CLASP2: variants seen among roughly 807,000 people sequenced by gnomAD.
CLASP2 encodes the protein cytoplasmic linker associated protein 2, also known as CLIP-associating protein 2.
CLASP2 carries 47 observed loss-of-function variants against 194.4 expected under a neutral mutation model. The observed-to-expected ratio is 0.24, with a 90% CI of 0.19 to 0.31. CLASP2 has a LOEUF of 0.31. Ranked by LOEUF, CLASP2 falls within the 10% of genes least tolerant of loss-of-function variation. CLASP2 has a pLI of 1.00. For synonymous variants in CLASP2, 619 were observed against 633.5 expected, an observed-to-expected ratio of 0.98 and a Z score of 0.34; for missense variants, 1,445 against 1,823.6, an observed-to-expected ratio of 0.79 and a Z score of 3.78.
chr3:33,663,510 T>A lies in CLASP2; in HGVS notation c.650A>T (p.Glu217Val), dbSNP rs1476760355. Residue 217 changes from glutamate to valine, a missense_variant, in exon 7 of 39, where the codon GAA becomes GTA. Physicochemically the swap from Glu to Val is moderately radical, Grantham distance 121. Around this residue, in one of 4 missense-constraint regions of CLASP2, gnomAD observed 332 missense variants for 325.3 expected, o/e 1.02. Transcript: ENST00000682230. The stretch of plus-strand genomic sequence containing the variant: ...TTCATCAAATTTGGCAAATATCATT[T>A]CTAATCTGGGAATAAAGAATAAATT... Reference protein sequence around the residue: ...YKRGIPPARLEMIFAKFDEVQ... With the variant: ...YKRGIPPARLVMIFAKFDEVQ... The A allele has an allele frequency of 6.2e-7, 1 of 1,608,376 alleles. No individual in the cohort carries two copies. The highest frequency in any genetic ancestry group is 1.1e-5 in the South Asian group (1 of 90,726).
At chr3:33,535,761 T>C (rs1456185853) in intron 33 of CLASP2, among the ~76,000 whole-genome samples, 1 of 152,126 alleles carries the variant, frequency 6.6e-6, no homozygotes, top group Non-Finnish European at 1.5e-5. Flanking sequence ...TACAGTGTGA[T>C]TACCAGCAAC....
At chr3:33,613,566 T>C (rs777043886) in intron 12 of CLASP2, among the ~76,000 whole-genome samples, 1 of 152,144 alleles carries the variant, frequency 6.6e-6, no homozygotes, top group Non-Finnish European at 1.5e-5. Flanking sequence ...CCAAAATAAA[T>C]GAAAACCCTT....
rs767116001 is a variant in CLASP2 at position 33,608,561 on chromosome 3, G to T, written c.1448+6C>A. ...AAAGTGGGAGGAAGGAAGAGGGAAT[G>T]CATACCTTTCCAATGAATGAGTCTG... On this transcript the variant is annotated splice_donor_region_variant and intron_variant, in intron 14 of 38. Transcript: ENST00000682230. 5 of 1,606,924 alleles carry T rather than the reference G, an allele frequency of 3.1e-6. No individual in the cohort carries two copies. In the East Asian group the frequency reaches 1.1e-4, roughly 36 times the overall value.
intron 32 of CLASP2, among the ~76,000 whole-genome samples, chr3:33,542,671 AT>A (rs1424369416): frequency 2.7e-5 from 4 of 150,670 alleles, no homozygotes; most frequent in African/African-American, 9.7e-5. Flanking sequence ...ATTATATATG[AT>A]ACATATATAA....
chr3:33,568,468 C>A (rs1192915237), intron 26 of CLASP2, among the ~76,000 whole-genome samples: 1 of 129,028 alleles, frequency 7.8e-6, no homozygotes, highest in Admixed American at 8.4e-5. Flanking sequence ...GCATGAGAAT[C>A]GCTTGAACCC....
chr3:33,655,565 T>A (rs2084012724), intron 7 of CLASP2, among the ~76,000 whole-genome samples: 1 of 152,204 alleles, frequency 6.6e-6, no homozygotes, highest in South Asian at 2.1e-4. Flanking sequence ...CCTCTATCAA[T>A]GTCCCTACAA....
At position 33,607,412 on chromosome 3, in the gene CLASP2, C is replaced by T. The variant is rs776390048; in HGVS notation, c.1498G>A (p.Asp500Asn). Residue 500 changes from aspartate to asparagine, a missense_variant, in exon 15 of 39, where the codon GAC (aspartate) becomes AAC (asparagine). Around this residue, in one of 4 missense-constraint regions of CLASP2, gnomAD observed 207 missense variants for 331.4 expected, o/e 0.62. Transcript: ENST00000682230. ...ETIKKGIHDA[D>N]AEARVEARKT... Reference sequence around the variant, plus strand: ...CTTGCCTCCACTCTGGCCTCAGCGTCAGCATCATGAATTCCCTTTTTAATA... The same window carrying T: ...CTTGCCTCCACTCTGGCCTCAGCGTTAGCATCATGAATTCCCTTTTTAATA... 6.2e-7 allele frequency: 1 copy of T among 1,611,244 alleles called. No individual in the cohort carries two copies. Among genetic ancestry groups the T allele is most frequent in the African/African-American group, 1.3e-5 (1 of 74,822 alleles).
rs1357286207 is a variant in CLASP2 at position 33,607,465 on chromosome 3, T to C, written c.1449-4A>G. ...TTCAACCAAGACGGCTGCATGTCTA[T>C]AAAATAAAATACATCTTTAGAGTTA... On this transcript the variant is annotated splice_polypyrimidine_tract_variant and splice_region_variant and intron_variant, in intron 14 of 38. Transcript: ENST00000682230. 1 of 1,591,698 alleles carries C rather than the reference T, an allele frequency of 6.3e-7. No individual in the cohort carries two copies. Among genetic ancestry groups the C allele is most frequent in the Admixed American group, 1.7e-5 (1 of 57,640 alleles).
intron 21 of CLASP2, among the ~76,000 whole-genome samples, chr3:33,591,774 T>G (rs957756827): frequency 3.3e-5 from 5 of 152,324 alleles, no homozygotes; most frequent in African/African-American, 9.6e-5. Context: ...ATCTTAAATT[T>G]AACATGAATG....
intron 21 of CLASP2, among the ~76,000 whole-genome samples, chr3:33,591,720 T>C (rs780631413): frequency 3.3e-5 from 5 of 152,226 alleles, no homozygotes; most frequent in African/African-American, 7.2e-5. Context: ...TTAATAATCA[T>C]GCTTATGACA....
intron 12 of CLASP2, among the ~76,000 whole-genome samples, chr3:33,617,949 A>T (rs778389832): frequency 1.3e-3 from 160 of 123,044 alleles, no homozygotes; most frequent in Non-Finnish European, 2.0e-3. Context: ...ATATATATAT[A>T]TATTTTTTTT....
chr3:33,551,151 T>C lies in CLASP2; in HGVS notation c.3153+101A>G, dbSNP rs145353257. On this transcript the variant is annotated intron_variant, in intron 30 of 38. Coordinates refer to ENST00000682230, the MANE Select transcript of CLASP2 (RefSeq NM_001365631.1). ...TAAAAAGCTCTTCATAACTCACTGCTAATTGCTAAGGTCCTGAAAATATTA... is the reference window on the plus strand; with the variant it reads ...TAAAAAGCTCTTCATAACTCACTGCCAATTGCTAAGGTCCTGAAAATATTA... The C allele has an allele frequency of 6.7e-3, 6,566 of 979,200 alleles. 38 individuals carry two copies. The highest frequency in any genetic ancestry group is 8.5e-3 in the Non-Finnish European group (5,722 of 676,144). The allele number at this position is 979,200 out of a possible 1,614,324, so 60.7% of individuals were successfully genotyped here.
intron 7 of CLASP2, among the ~76,000 whole-genome samples, chr3:33,658,584 A>T (rs1220159231): frequency 1.3e-5 from 2 of 152,212 alleles, no homozygotes; most frequent in Non-Finnish European, 2.9e-5. Flanking sequence ...GTCAAATACA[A>T]CAGGAAGGAT....
In CLASP2 at chr3:33,497,638, T is replaced by C. The variant is rs768352840; in HGVS notation, c.*993A>G. On this transcript the variant is annotated 3_prime_UTR_variant, in exon 39 of 39. Transcript: ENST00000682230. ...AATATTTTCAAGTAAGACAATTTCATGGTAAAAGGAAACCAGGTTCCACCA... is the reference window on the plus strand; with the variant it reads ...AATATTTTCAAGTAAGACAATTTCACGGTAAAAGGAAACCAGGTTCCACCA... The C allele has an allele frequency of 6.6e-6, 1 of 152,560 alleles. No individual in the cohort carries two copies. The highest frequency in any genetic ancestry group is 2.4e-5 in the African/African-American group (1 of 41,440). The allele number at this position is 152,560 out of a possible 1,614,324, so 9.5% of individuals were successfully genotyped here.
chr3:33,550,575 CTA>C (rs1225277917), intron 30 of CLASP2, among the ~76,000 whole-genome samples: 4 of 151,340 alleles, frequency 2.6e-5, no homozygotes, highest in African/African-American at 9.7e-5. Context: ...AAATAATAAT[CTA>C]TGCTTTTGAG....
rs776586824 is a variant in CLASP2, at chr3:33,497,015, TAC to T, written c.*1614_*1615del. 6 of 152,634 alleles carry T rather than the reference TAC, an allele frequency of 3.9e-5. No homozygotes were observed. Among genetic ancestry groups the T allele is most frequent in the Non-Finnish European group, 8.8e-5 (6 of 68,018 alleles). The allele number at this position is 152,634 out of a possible 1,614,324, so 9.5% of individuals were successfully genotyped here. On this transcript the variant is annotated 3_prime_UTR_variant, in exon 39 of 39. Transcript: ENST00000682230. Reference sequence around the variant, plus strand: ...ATTAACTTTTTCAAGTAATGTTATGTACAGTTTTATTGCCAGTATATGCACAA... The same window carrying T: ...ATTAACTTTTTCAAGTAATGTTATGTAGTTTTATTGCCAGTATATGCACAA...
intron 34 of CLASP2, among the ~76,000 whole-genome samples, chr3:33,533,684 T>C (rs1160854436): frequency 6.6e-6 from 1 of 152,162 alleles, no homozygotes; most frequent in East Asian, 1.9e-4. Flanking sequence ...AGCAATTCCA[T>C]CTCTAGAAAT....
intron 10 of CLASP2, among the ~76,000 whole-genome samples, chr3:33,626,323 T>C (rs529254327): frequency 6.6e-6 from 1 of 152,284 alleles, no homozygotes; most frequent in African/African-American, 2.4e-5. Context: ...CTCTGGCTTC[T>C]TGAAAACTCT....
intron 18 of CLASP2, among the ~76,000 whole-genome samples, chr3:33,602,037 G>A (rs1343142499): frequency 3.5e-5 from 5 of 143,254 alleles, no homozygotes; most frequent in Non-Finnish European, 7.5e-5. Flanking sequence ...TTTTTTTGAC[G>A]GAGTCTCACT....
Sources: allele counts gnomAD v4.1 joint callset (sites outside exome capture counted in the v4.1 genomes callset), GRCh38; gene constraint gnomAD v4.1.1; regional missense constraint gnomAD v4.1.1; transcripts MANE v1.5; gene names NCBI Gene and HGNC (gene_info 2026-07-23, HGNC 2026-07-21).